Variants in GDF5 observed in about 807,000 individuals in gnomAD.
The protein encoded by GDF5 is growth differentiation factor 5.
In GDF5, 17 loss-of-function variants were observed where a neutral mutation model predicts 34.6. The ratio of observed to expected loss-of-function variants is 0.49; its 90% CI spans 0.34 to 0.74. The LOEUF is 0.74. Among genes scored for constraint, GDF5 ranks in the 30% least tolerant of loss-of-function variants. The probability of loss-of-function intolerance (pLI) is 0.01; values close to 1 mark genes in which losing one functional copy is unlikely to be tolerated. For missense variants in GDF5, 616 were observed against 661.2 expected (o/e 0.93, Z 0.75); for synonymous variants, 332 against 290.7 (o/e 1.14, Z -1.44).
upstream of GDF5, among the ~76,000 whole-genome samples, chr20:35,441,601 C>T (rs761054203): frequency 8.6e-5 from 13 of 150,994 alleles, no homozygotes; most frequent in Non-Finnish European, 1.8e-4. Flanking sequence ...ACTACAGGTG[C>T]GTGCCACCAC....
upstream of GDF5, among the ~76,000 whole-genome samples, chr20:35,439,909 T>C (rs1230235019): frequency 8.3e-5 from 2 of 24,038 alleles, no homozygotes; most frequent in Non-Finnish European, 1.3e-4. Context: ...GGCTTCCTTC[T>C]TTTTTTTTTT....
intron 1 of GDF5, among the ~76,000 whole-genome samples, chr20:35,443,658 T>C (rs1048268508): frequency 1.3e-5 from 2 of 151,980 alleles, no homozygotes; most frequent in African/African-American, 2.4e-5. Flanking sequence ...ACTACAGGCA[T>C]GCGCCACCAC....
At chr20:35,453,996 C>A (rs1232862697) in intron 1 of GDF5, 1 of 534,626 alleles carries the variant, frequency 1.9e-6, no homozygotes, top group Non-Finnish European at 3.8e-6. Flanking sequence ...TTCTAAAATG[C>A]AGATTCCTGG....
Position 35,434,549 on chromosome 20 carries a change from G to C in GDF5, c.866C>G (p.Ser289Cys). 1.3e-6 allele frequency: 2 copies of C among 1,597,366 alleles called. No homozygotes were observed. The highest frequency in any genetic ancestry group is 8.5e-7 in the Non-Finnish European group (1 of 1,171,084). Reference protein sequence around the residue: ...DVRSVPGLDGSGWEVFDIWKL... With the variant: ...DVRSVPGLDGCGWEVFDIWKL... ...CCAGATGTCGAACACCTCCCAGCCAGATCCGTCCAGGCCTGGCACGGAGCG... is the reference window on the plus strand; with the variant it reads ...CCAGATGTCGAACACCTCCCAGCCACATCCGTCCAGGCCTGGCACGGAGCG... Residue 289 changes from serine (S) to cysteine (C), a missense_variant, in exon 2 of 2, where the codon TCT (serine) becomes TGT (cysteine). Physicochemically the swap from Ser to Cys is moderately radical, Grantham distance 112. Transcript: ENST00000374369.
At chr20:35,439,197 C>T (rs760927625), upstream of GDF5, among the ~76,000 whole-genome samples, 1 of 151,410 alleles carries the variant, frequency 6.6e-6, no homozygotes, top group African/African-American at 2.4e-5. Flanking sequence ...GCAGCAGCGG[C>T]CCCTACAGGA....
rs2062482096 is a variant in GDF5, at chr20:35,437,955, A to G, written c.-27T>C. On this transcript the variant is annotated 5_prime_UTR_variant, in exon 1 of 2. Transcript: ENST00000374369. The stretch of plus-strand genomic sequence containing the variant: ...CTCTGGCCAGCCGCTGAATGACACC[A>G]AAGAGAACAGCGGCAGCAGCGAAGG... 2.5e-6 allele frequency: 4 copies of G among 1,613,426 alleles called. No homozygotes were observed. The highest frequency in any genetic ancestry group is 3.4e-6 in the Non-Finnish European group (4 of 1,179,758).
chr20:35,433,860 G>T lies in GDF5; in HGVS notation c.*49C>A, dbSNP rs769966867. The T allele has an allele frequency of 4.0e-6, 6 of 1,515,254 alleles. No individual in the cohort carries two copies. The East Asian group carries it at 1.3e-4, about 34-fold the overall frequency. 93.9% of individuals were successfully genotyped at this position (1,515,254 alleles called of 1,614,324 possible). ...CCCCTCTGTGATTCCAGGAGTGCAGGAAGGGGCTCTTGGGATGTGCCACCC... is the reference window on the plus strand; with the variant it reads ...CCCCTCTGTGATTCCAGGAGTGCAGTAAGGGGCTCTTGGGATGTGCCACCC... On this transcript the variant is annotated 3_prime_UTR_variant, in exon 2 of 2. Coordinates refer to ENST00000374369, the MANE Select transcript of GDF5 (RefSeq NM_000557.5).
At chr20:35,454,132 T>C in intron 1 of GDF5, 1 of 411,734 alleles carries the variant, frequency 2.4e-6, no homozygotes, top group Non-Finnish European at 5.0e-6. Flanking sequence ...GTAAATGGAG[T>C]TTACAACTCT....
In GDF5 at chr20:35,434,133, G is replaced by A. The variant is rs754073445; in HGVS notation, c.1282C>T (p.His428Tyr). The change falls in exon 2 of 2, where the codon CAC (histidine) becomes TAC (tyrosine). Residue 428 changes from histidine to tyrosine, a missense_variant. Transcript: ENST00000374369. ...IIAPLEYEAF[H>Y]CEGLCEFPLR... ...GGGAACTCGCACAGCCCCTCGCAGT[G>A]GAAAGCCTCGTACTCAAGGGGTGCG... 6.2e-7 allele frequency: 1 copy of A among 1,614,176 alleles called. No homozygotes were observed. Among genetic ancestry groups the A allele is most frequent in the South Asian group, 1.1e-5 (1 of 91,084 alleles).
rs2062530183 is a variant in GDF5 at position 35,451,054 on chromosome 20, A to ATATATATATAT, written c.-398+3585_-398+3586insATATATATATA. On this transcript the variant is annotated intron_variant, in intron 1 of 3. Transcript: ENST00000374372. ...TTTTAGACTAACAGAAAAAAAAAAAAAAAAAAAAAAATATATATATATATA... is the reference window on the plus strand; with the variant it reads ...TTTTAGACTAACAGAAAAAAAAAAAATATATATATATAAAAAAAAAAATATATATATATATA... 8.9e-4 allele frequency among the ~76,000 whole-genome samples: 44 copies of ATATATATATAT among 49,164 alleles called. 5 individuals carry two copies. The highest frequency in any genetic ancestry group is 0.011 in the Middle Eastern group (1 of 90). The allele number at this position is 49,164 out of a possible 152,430, so 32.3% of individuals were successfully genotyped here.
At chr20:35,447,898 T>C (rs983254732) in intron 1 of GDF5, among the ~76,000 whole-genome samples, 2 of 152,034 alleles carry the variant, frequency 1.3e-5, no homozygotes, top group Admixed American at 6.6e-5. Flanking sequence ...GAAAACTGCC[T>C]GAGCCCAGGA....
At chr20:35,449,728 A>C (rs758849115) in intron 1 of GDF5, among the ~76,000 whole-genome samples, 1 of 152,184 alleles carries the variant, frequency 6.6e-6, no homozygotes, top group Non-Finnish European at 1.5e-5. Context: ...TCAAGCCTAT[A>C]ATCCCAGCAC....
chr20:35,449,451 G>A (rs943862859), intron 1 of GDF5, among the ~76,000 whole-genome samples: 20 of 152,150 alleles, frequency 1.3e-4, no homozygotes, highest in East Asian at 9.7e-4. Flanking sequence ...TAATTTTAGC[G>A]TTTTTATCCT....
intron 1 of GDF5, among the ~76,000 whole-genome samples, chr20:35,443,908 A>G (rs932759585): frequency 1.3e-5 from 2 of 151,944 alleles, no homozygotes; most frequent in African/African-American, 2.4e-5. Context: ...GCACTTGTCA[A>G]TTTTCAAAAT....
intron 1 of GDF5, among the ~76,000 whole-genome samples, chr20:35,451,273 G>T (rs1168297136): frequency 6.6e-6 from 1 of 151,900 alleles, no homozygotes; most frequent in Non-Finnish European, 1.5e-5. Flanking sequence ...GAGAGGGTTT[G>T]AGTACAAGGC....
upstream of GDF5, among the ~76,000 whole-genome samples, chr20:35,440,624 A>G (rs76827447): frequency 0.011 from 1,701 of 151,958 alleles, 24 homozygotes; most frequent in African/African-American, 0.039. Flanking sequence ...GCCATCACAC[A>G]TTTTCTGTGC....
intron 1 of GDF5, among the ~76,000 whole-genome samples, chr20:35,448,413 A>AATATAT (rs1213425473): frequency 2.9e-4 from 28 of 96,500 alleles, no homozygotes; most frequent in African/African-American, 1.1e-3. Flanking sequence ...AAAAAAAAAA[A>AATATAT]ATATATATAT....
chr20:35,447,438 C>A (rs958296793), intron 1 of GDF5, among the ~76,000 whole-genome samples: 1 of 152,186 alleles, frequency 6.6e-6, no homozygotes, highest in African/African-American at 2.4e-5. Flanking sequence ...TCTGGGCCTT[C>A]TGTCCATAAG....
At chr20:35,438,237 G>A (rs1352514333), upstream of GDF5, 3 of 445,050 alleles carry the variant, frequency 6.7e-6, no homozygotes, top group Admixed American at 3.4e-5. Flanking sequence ...CTGACTGAGG[G>A]CTTGAAGGAG....
Sources: allele counts gnomAD v4.1 joint callset (sites outside exome capture counted in the v4.1 genomes callset), GRCh38; gene constraint gnomAD v4.1.1; transcripts MANE v1.5; gene names NCBI Gene and HGNC (gene_info 2026-07-23, HGNC 2026-07-21).